PACS1: variants seen among roughly 807,000 people sequenced by gnomAD.
PACS1 encodes the protein PACS-1.
In PACS1, 24 loss-of-function variants were observed where a neutral mutation model predicts 115.0. That is an observed-to-expected ratio of 0.21 (90% CI 0.15 to 0.29). PACS1 has a LOEUF of 0.29. PACS1 is among the 10% of genes least tolerant of loss of function. The probability of loss-of-function intolerance (pLI) is 1.00; values close to 1 mark genes in which losing one functional copy is unlikely to be tolerated. For synonymous variants in PACS1, 453 were observed against 504.5 expected, an observed-to-expected ratio of 0.90 and a Z score of 1.37; for missense variants, 838 against 1,251.2, an observed-to-expected ratio of 0.67 and a Z score of 4.98.
At chr11:66,155,786 A>G (rs1248575883) in intron 1 of PACS1, among the ~76,000 whole-genome samples, 1 of 152,170 alleles carries the variant, frequency 6.6e-6, no homozygotes, top group Non-Finnish European at 1.5e-5. Flanking sequence ...TGTTTGTAGC[A>G]GCGTATTCAT....
At chr11:66,154,507 T>C (rs1859310960) in intron 1 of PACS1, among the ~76,000 whole-genome samples, 1 of 152,174 alleles carries the variant, frequency 6.6e-6, no homozygotes, top group Non-Finnish European at 1.5e-5. Context: ...AGGATCTCAC[T>C]ACTGTAAGAA....
intron 1 of PACS1, chr11:66,121,026 G>A (rs752686945): frequency 2.2e-6 from 1 of 456,242 alleles, no homozygotes; most frequent in South Asian, 1.5e-5. Flanking sequence ...CACAGATGCT[G>A]CATTTTTTAC....
intron 5 of PACS1, 94 bp downstream of exon 5, chr11:66,216,357 G>T (rs1168204798): frequency 9.4e-6 from 14 of 1,490,232 alleles, no homozygotes; most frequent in African/African-American, 2.8e-5. Context: ...CTGGGCAAGA[G>T]ACCTTTAGAG....
intron 4 of PACS1, among the ~76,000 whole-genome samples, chr11:66,214,707 G>A (rs1409885236): frequency 2.1e-5 from 3 of 141,038 alleles, no homozygotes; most frequent in African/African-American, 8.0e-5. Context: ...CTACAGCCTC[G>A]ACTTCCTGGG....
intron 1 of PACS1, among the ~76,000 whole-genome samples, chr11:66,122,618 AAG>A (rs1858470649): frequency 6.6e-6 from 1 of 152,236 alleles, no homozygotes; most frequent in South Asian, 2.1e-4. Flanking sequence ...AGGAGTTTGA[AAG>A]AAGTCGATTT....
At chr11:66,237,986 G>A (rs987894720) in intron 19 of PACS1, 25 of 896,968 alleles carry the variant, frequency 2.8e-5, no homozygotes, top group Non-Finnish European at 3.1e-5. Context: ...TGGACTCCCA[G>A]CCCAGCTGCC....
chr11:66,183,670 A>G (rs1434381908), intron 1 of PACS1, among the ~76,000 whole-genome samples: 1 of 152,226 alleles, frequency 6.6e-6, no homozygotes, highest in Non-Finnish European at 1.5e-5. Context: ...TTCAAGAGTG[A>G]GCCAGTGGTA....
chr11:66,110,302 A>T lies in PACS1; in HGVS notation c.356+39460A>T, dbSNP rs572983768. Among the ~76,000 whole-genome samples the T allele has an allele frequency of 7.1e-3, 1,060 of 150,132 alleles. 2 individuals carry two copies. The highest frequency in any genetic ancestry group is 9.0e-3 in the African/African-American group (359 of 40,018). On this transcript the variant is annotated intron_variant, in intron 1 of 23. Coordinates refer to ENST00000320580, the MANE Select transcript of PACS1 (RefSeq NM_018026.4). ...AATGTCTCCTGATTTAAAAAAAAAA[A>T]TTTTTTTTATACATATATAGACAAG... is the stretch of plus-strand genomic sequence containing the variant.
Position 66,233,728 on chromosome 11 carries a change from C to T in PACS1, c.1839-57C>T. On this transcript the variant is annotated intron_variant, in intron 15 of 23. Coordinates refer to ENST00000320580, the MANE Select transcript of PACS1 (RefSeq NM_018026.4). The surrounding 1 kb of genome is among the most constrained non-coding windows in gnomAD (Gnocchi z 4.5). ...CACAGAAAGTCAGCTCTGGGCCTCC[C>T]CCGGGCAGGATCCTGGCACCCCTGA... is the stretch of plus-strand genomic sequence containing the variant. The T allele has an allele frequency of 6.5e-7, 1 of 1,532,994 alleles. No individual in the cohort carries two copies. The highest frequency in any genetic ancestry group is 8.8e-7 in the Non-Finnish European group (1 of 1,136,280). The allele number at this position is 1,532,994 out of a possible 1,614,324, so 95.0% of individuals were successfully genotyped here. A position where few individuals can be genotyped will look rare whatever the true frequency, so the allele number is the denominator to read the frequency against.
chr11:66,071,175 G>A (rs370587938), intron 1 of PACS1, among the ~76,000 whole-genome samples: 1 of 152,188 alleles, frequency 6.6e-6, no homozygotes, highest in Non-Finnish European at 1.5e-5. Context: ...CCTCGCCGGC[G>A]CCGGGAGCTG....
chr11:66,088,565 T>A (rs1857609625), intron 1 of PACS1, among the ~76,000 whole-genome samples: 1 of 152,256 alleles, frequency 6.6e-6, no homozygotes, highest in South Asian at 2.1e-4. Flanking sequence ...ATATTTTACA[T>A]GCAGTTCTAA....
intron 1 of PACS1, among the ~76,000 whole-genome samples, chr11:66,100,305 G>A (rs1265954582): frequency 6.6e-6 from 1 of 152,104 alleles, no homozygotes; most frequent in African/African-American, 2.4e-5. Flanking sequence ...AGAGGTACTT[G>A]GAAGAAACCT....
intron 8 of PACS1, 97 bp from the exon 9 acceptor site, chr11:66,220,534 C>G: frequency 8.7e-7 from 1 of 1,148,268 alleles, no homozygotes; most frequent in South Asian, 1.4e-5. Context: ...GTCCCTTAAG[C>G]AGGACTATAA....
chr11:66,189,875 C>T (rs1854477112), intron 1 of PACS1, among the ~76,000 whole-genome samples: 3 of 152,180 alleles, frequency 2.0e-5, no homozygotes, highest in African/African-American at 2.4e-5. Flanking sequence ...AAAACAGAGC[C>T]GAGAAACTAG....
intron 8 of PACS1, chr11:66,220,370 C>T: frequency 2.1e-6 from 1 of 475,540 alleles, no homozygotes; most frequent in South Asian, 2.8e-5. Flanking sequence ...GGGCGATGGG[C>T]CTCGGGATTC....
At chr11:66,228,804 A>G (rs1855520618) in intron 11 of PACS1, among the ~76,000 whole-genome samples, 1 of 152,116 alleles carries the variant, frequency 6.6e-6, no homozygotes, top group South Asian at 2.1e-4. Context: ...GATCTGGTTA[A>G]TGGTCACCTG....
intron 1 of PACS1, among the ~76,000 whole-genome samples, chr11:66,152,896 G>A (rs1010084974): frequency 2.6e-5 from 4 of 152,068 alleles, no homozygotes; most frequent in African/African-American, 9.7e-5. Flanking sequence ...AGTATCCAGA[G>A]AAACACATTT....
intron 1 of PACS1, among the ~76,000 whole-genome samples, chr11:66,159,273 A>G (rs1859435301): frequency 6.6e-6 from 1 of 152,048 alleles, no homozygotes. Flanking sequence ...CCCCATCTCT[A>G]CTAAAAATAC....
chr11:66,098,223 T>G (rs1173446500), intron 1 of PACS1, among the ~76,000 whole-genome samples: 2 of 152,150 alleles, frequency 1.3e-5, no homozygotes, highest in Non-Finnish European at 2.9e-5. Context: ...TATGTTTGTC[T>G]TTTTATAATT....
Sources: gnomAD v4.1 joint callset for allele counts (sites outside exome capture counted in the v4.1 genomes callset) on GRCh38, gnomAD v4.1.1 for gene constraint, Gnocchi (gnomAD v3.1) non-coding constraint, MANE v1.5 for transcripts, NCBI Gene and HGNC (gene_info 2026-07-23, HGNC 2026-07-21) for gene names.